TSNAXIP1: variants seen among roughly 807,000 people sequenced by gnomAD.
TSNAXIP1 encodes translin-associated factor X-interacting protein 1.
In TSNAXIP1, 89 loss-of-function variants were observed where a neutral mutation model predicts 84.8. That is an observed-to-expected ratio of 1.05 (90% CI 0.88 to 1.25). The LOEUF (loss-of-function observed/expected upper bound fraction) is 1.25, where lower values mean the gene tolerates loss of function less well. TSNAXIP1 is among the 50% of genes most tolerant of loss of function. The pLI is 0.00. For missense variants in TSNAXIP1, 874 were observed against 887.6 expected (o/e 0.98, Z 0.20); for synonymous variants, 347 against 335.2 (o/e 1.04, Z -0.39).
intron 12 of TSNAXIP1, 35 bp downstream of exon 12, chr16:67,826,879 G>A: frequency 1.9e-6 from 3 of 1,611,804 alleles, no homozygotes; most frequent in Non-Finnish European, 2.5e-6. Flanking sequence ...GGGAGACTGA[G>A]AGGGGTCTTT....
chr16:67,817,789 G>A (rs990617536), intron 2 of TSNAXIP1, among the ~76,000 whole-genome samples: 22 of 152,002 alleles, frequency 1.4e-4, no homozygotes, highest in Non-Finnish European at 2.5e-4. Context: ...GGGAGGCTGA[G>A]GCAGGAGAAT....
chr16:67,823,866 A>C, intron 5 of TSNAXIP1, 147 bp downstream of exon 5: 1 of 586,790 alleles, frequency 1.7e-6, no homozygotes, highest in South Asian at 1.9e-5. Flanking sequence ...AAAACACAAA[A>C]AAATTAGCTG....
chr16:67,824,482 G>T, intron 5 of TSNAXIP1, 101 bp from the exon 6 acceptor site: 3 of 1,121,518 alleles, frequency 2.7e-6, no homozygotes, highest in Non-Finnish European at 3.9e-6. Context: ...AGATTCTTGG[G>T]GTTTGCAAGC....
At chr16:67,810,843 G>A (rs937172804) in intron 1 of TSNAXIP1, among the ~76,000 whole-genome samples, 21 of 151,044 alleles carry the variant, frequency 1.4e-4, no homozygotes, top group African/African-American at 5.1e-4. Flanking sequence ...GGGTTCAAGC[G>A]ATTCTCCTGC....
chr16:67,818,097 T>C (rs1328733065), intron 2 of TSNAXIP1, among the ~76,000 whole-genome samples: 1 of 151,604 alleles, frequency 6.6e-6, no homozygotes, highest in Non-Finnish European at 1.5e-5. Context: ...TAATTCCGGC[T>C]ACTCGGGAGG....
chr16:67,809,793 C>G (rs1029457665), intron 1 of TSNAXIP1, among the ~76,000 whole-genome samples: 2 of 151,240 alleles, frequency 1.3e-5, no homozygotes, highest in African/African-American at 2.4e-5. Flanking sequence ...ACTAAAAATA[C>G]AAAAACTAGC....
Position 67,821,186 on chromosome 16 carries a change from G to T in TSNAXIP1, c.348G>T (p.Leu116=), listed in dbSNP as rs764350305. 238 of 1,609,586 alleles carry T rather than the reference G, an allele frequency of 1.5e-4. No individual in the cohort carries two copies. The highest frequency in any genetic ancestry group is 3.3e-4 in the Middle Eastern group (2 of 6,056). Residue 116 remains leucine, a synonymous_variant, in exon 4 of 16, where the codon CTG becomes CTT. Transcript: ENST00000561639. ...ENYLRKELLL[L]DLGTDSTQEL... is the part of the protein sequence containing the mutation. ...ACCTACGCAAGGAGCTCCTCCTGCT[G>T]GACCTGGGCACAGATTCCACCCAGG...
chr16:67,814,446 A>C (rs1015984307), intron 2 of TSNAXIP1, 45 bp downstream of exon 2: 1 of 1,467,642 alleles, frequency 6.8e-7, no homozygotes, highest in Non-Finnish European at 9.2e-7. Flanking sequence ...CAGCCCCCAG[A>C]CCCTATCCGT....
chr16:67,826,412 G>T (rs376691444), intron 10 of TSNAXIP1, 25 bp from the exon 11 acceptor site: 91 of 1,612,768 alleles, frequency 5.6e-5, no homozygotes, highest in Non-Finnish European at 7.6e-5. Flanking sequence ...TGGGTCCAGA[G>T]ATGAGCTGAT....
chr16:67,808,616 T>A (rs1167847432), intron 1 of TSNAXIP1, among the ~76,000 whole-genome samples: 1 of 149,510 alleles, frequency 6.7e-6, no homozygotes, highest in African/African-American at 2.5e-5. Flanking sequence ...CAGGCACCTG[T>A]ATTCCCAGCT....
chr16:67,822,878 C>A (rs1370730229), intron 4 of TSNAXIP1, among the ~76,000 whole-genome samples: 1 of 152,204 alleles, frequency 6.6e-6, no homozygotes, highest in African/African-American at 2.4e-5. Flanking sequence ...CTCCAGAAAC[C>A]TCCCATGTGT....
At chr16:67,827,408 C>T (rs1034349077) in intron 14 of TSNAXIP1, 33 bp downstream of exon 14, 29 of 1,613,834 alleles carry the variant, frequency 1.8e-5, no homozygotes, top group Non-Finnish European at 2.3e-5. Context: ...CTGGCCTGGC[C>T]CCTGCCCTAG....
chr16:67,819,327 T>A lies in TSNAXIP1; in HGVS notation c.148-1512T>A, dbSNP rs1371639686. Reference sequence around the variant, plus strand: ...GGGTCGATCCCAGCTCACTGCAACCTCTGCCTCCCGAGTTCAAGCGATTCT... The same window carrying A: ...GGGTCGATCCCAGCTCACTGCAACCACTGCCTCCCGAGTTCAAGCGATTCT... On this transcript the variant is annotated intron_variant, in intron 2 of 15. Coordinates refer to ENST00000561639, the MANE Select transcript of TSNAXIP1 (RefSeq NM_001288990.3). Among the ~76,000 whole-genome samples, 17 of 147,258 alleles carry A rather than the reference T, an allele frequency of 1.2e-4. No homozygotes were observed. In the Admixed American group the frequency reaches 1.2e-3, roughly 10 times the overall value.
intron 7 of TSNAXIP1, 120 bp downstream of exon 7, chr16:67,825,392 A>G (rs1235098055): frequency 7.2e-7 from 1 of 1,391,922 alleles, no homozygotes; most frequent in African/African-American, 1.4e-5. Context: ...AACCATTCAG[A>G]GGGGAGATGT....
chr16:67,825,796 T>C lies in TSNAXIP1; in HGVS notation c.944T>C (p.Phe315Ser), dbSNP rs949483574. ...NFGDVVPRRD[F>S]EMQEKTNKDL... is the part of the protein sequence containing the mutation. ...GGAGATGTGGTCCCCAGGAGGGACT[T>C]TGAAATGCAGGAGAAGACCAACAAG... Residue 315 changes from phenylalanine (F) to serine (S), a missense_variant, in exon 8 of 16, where the codon TTT becomes TCT. By Grantham distance (155) the Phe-to-Ser change is radical (BLOSUM62 -2). Coordinates refer to ENST00000561639, the MANE Select transcript of TSNAXIP1 (RefSeq NM_001288990.3). 2 of 1,614,018 alleles carry C rather than the reference T, an allele frequency of 1.2e-6. No homozygotes were observed. Among genetic ancestry groups the C allele is most frequent in the Non-Finnish European group, 8.5e-7 (1 of 1,179,976 alleles).
intron 1 of TSNAXIP1, among the ~76,000 whole-genome samples, chr16:67,812,388 C>T (rs1221178437): frequency 6.6e-6 from 1 of 152,008 alleles, no homozygotes; most frequent in East Asian, 1.9e-4. Context: ...AAAAAATAGG[C>T]CGGGCACGGT....
At position 67,825,837 on chromosome 16, in the gene TSNAXIP1, G is replaced by T; in HGVS notation, c.984+1G>T. On this transcript the variant is annotated splice_donor_variant, in intron 8 of 15. Transcript: ENST00000561639. LOFTEE classifies it high-confidence loss of function. ...GACCAACAAGGATCTTCAGGAGCAG[G>T]TGCTGGCAGGCAGGCAGGGCCAGGA... The T allele has an allele frequency of 6.2e-7, 1 of 1,614,186 alleles. No individual in the cohort carries two copies. Among genetic ancestry groups the T allele is most frequent in the Non-Finnish European group, 8.5e-7 (1 of 1,180,018 alleles).
At chr16:67,809,024 A>AAAT (rs1282711887) in intron 1 of TSNAXIP1, among the ~76,000 whole-genome samples, 47 of 146,782 alleles carry the variant, frequency 3.2e-4, no homozygotes, top group East Asian at 6.4e-4. Context: ...CTGTCCCTAC[A>AAAT]AATAATAATA....
chr16:67,825,770 TGGA>T lies in TSNAXIP1; in HGVS notation c.920_922del (p.Gly307del). ...AACTCAACAACATGAAGGCCAACTT[TGGA>T]GATGTGGTCCCCAGGAGGGACTTTG... is the stretch of plus-strand genomic sequence containing the variant. On this transcript the variant is annotated inframe_deletion, in exon 8 of 16. Coordinates refer to ENST00000561639, the MANE Select transcript of TSNAXIP1 (RefSeq NM_001288990.3). 1 of 1,614,054 alleles carries T rather than the reference TGGA, an allele frequency of 6.2e-7. No individual in the cohort carries two copies. Among genetic ancestry groups the T allele is most frequent in the Non-Finnish European group, 8.5e-7 (1 of 1,179,988 alleles).
Sources: gnomAD v4.1 joint callset for allele counts (sites outside exome capture counted in the v4.1 genomes callset) on GRCh38, gnomAD v4.1.1 for gene constraint, MANE v1.5 for transcripts, NCBI Gene and HGNC (gene_info 2026-07-23, HGNC 2026-07-21) for gene names.